WFDC11: variants seen among roughly 807,000 people sequenced by gnomAD.
WFDC11 encodes WAP four-disulfide core domain 11.
WFDC11 carries 9 observed loss-of-function variants against 9.9 expected under a neutral mutation model. That is an observed-to-expected ratio of 0.91 (90% CI 0.55 to 1.58). The LOEUF is 1.58. Among genes scored for constraint, WFDC11 ranks in the 40% most tolerant of loss-of-function variants. WFDC11 has a pLI of 0.00. For synonymous variants in WFDC11, 32 were observed against 33.3 expected, an observed-to-expected ratio of 0.96 and a Z score of 0.13; for missense variants, 106 against 101.7, an observed-to-expected ratio of 1.04 and a Z score of -0.18.
At chr20:45,658,555 A>G (rs1825777) in intron 2 of WFDC11, among the ~76,000 whole-genome samples, 29,632 of 150,404 alleles carry the variant, frequency 0.2, 3,195 homozygotes, top group East Asian at 0.32. Flanking sequence ...AATATCTCCC[A>G]TTTCATTTCT....
intron 1 of WFDC11, among the ~76,000 whole-genome samples, chr20:45,668,316 T>C (rs984122388): frequency 6.6e-6 from 1 of 152,166 alleles, no homozygotes; most frequent in African/African-American, 2.4e-5. Context: ...GTTGTTTGGT[T>C]GGGATGAGAA....
intron 1 of WFDC11, among the ~76,000 whole-genome samples, chr20:45,667,749 G>A (rs927510461): frequency 6.6e-6 from 1 of 152,166 alleles, no homozygotes; most frequent in Non-Finnish European, 1.5e-5. Flanking sequence ...TTTAAAGTGA[G>A]AATAGCAGTA....
chr20:45,665,149 C>T (rs1205304979), intron 2 of WFDC11, among the ~76,000 whole-genome samples: 1 of 152,142 alleles, frequency 6.6e-6, no homozygotes, highest in African/African-American at 2.4e-5. Flanking sequence ...TGTCTTTTCA[C>T]TTTATTTCAT....
At chr20:45,658,531 G>A (rs1982985493) in intron 2 of WFDC11, among the ~76,000 whole-genome samples, 1 of 151,974 alleles carries the variant, frequency 6.6e-6, no homozygotes, top group Non-Finnish European at 1.5e-5. Flanking sequence ...TTGTATATCT[G>A]TGGTGTCAGT....
chr20:45,655,065 C>T (rs1398571930), intron 2 of WFDC11, among the ~76,000 whole-genome samples: 1 of 152,166 alleles, frequency 6.6e-6, no homozygotes, highest in East Asian at 1.9e-4. Context: ...AGAGGGAATC[C>T]TCCCTAACCC....
At chr20:45,666,206 C>T (rs1983183941) in intron 2 of WFDC11, among the ~76,000 whole-genome samples, 1 of 152,340 alleles carries the variant, frequency 6.6e-6, no homozygotes, top group East Asian at 1.9e-4. Flanking sequence ...AGCAAGGCTC[C>T]GTGGGTGTGG....
At chr20:45,651,981 C>T (rs1490967501) in intron 2 of WFDC11, among the ~76,000 whole-genome samples, 3 of 152,236 alleles carry the variant, frequency 2.0e-5, no homozygotes, top group Non-Finnish European at 4.4e-5. Context: ...AAGAGGCCTG[C>T]CTGCCTCTGT....
chr20:45,654,615 A>G (rs1982881769), intron 2 of WFDC11, among the ~76,000 whole-genome samples: 1 of 152,114 alleles, frequency 6.6e-6, no homozygotes, highest in African/African-American at 2.4e-5. Context: ...GACATAAAAA[A>G]CCCTTCAAAA....
chr20:45,661,371 T>C (rs1046191366), intron 2 of WFDC11, among the ~76,000 whole-genome samples: 6 of 151,662 alleles, frequency 4.0e-5, no homozygotes, highest in Admixed American at 1.3e-4. Flanking sequence ...GTAGGTTGCC[T>C]GTTCACTCTG....
intron 2 of WFDC11, among the ~76,000 whole-genome samples, chr20:45,654,458 A>G (rs903548071): frequency 6.6e-6 from 1 of 152,228 alleles, no homozygotes; most frequent in Non-Finnish European, 1.5e-5. Context: ...TTATGACACT[A>G]AATGCCCACA....
At chr20:45,665,803 G>C (rs1238256420) in intron 2 of WFDC11, among the ~76,000 whole-genome samples, 3 of 152,190 alleles carry the variant, frequency 2.0e-5, no homozygotes. Context: ...CTTCGTCCCA[G>C]AGGGGCACTT....
chr20:45,664,779 G>T (rs1983152482), intron 2 of WFDC11, among the ~76,000 whole-genome samples: 1 of 152,170 alleles, frequency 6.6e-6, no homozygotes, highest in South Asian at 2.1e-4. Flanking sequence ...TTTCTGCCTA[G>T]AGATCTGCTG....
intron 1 of WFDC11, among the ~76,000 whole-genome samples, chr20:45,669,966 A>G (rs192690770): frequency 3.9e-4 from 59 of 152,230 alleles, no homozygotes; most frequent in Admixed American, 2.0e-3. Context: ...AACACAATCA[A>G]AAATAACAAA....
At chr20:45,653,757 C>T (rs948689931) in intron 2 of WFDC11, among the ~76,000 whole-genome samples, 6 of 151,736 alleles carry the variant, frequency 4.0e-5, no homozygotes, top group South Asian at 2.1e-4. Context: ...AAATGGAAAA[C>T]AAAAAAAGTC....
chr20:45,660,811 T>C (rs1983043164), intron 2 of WFDC11, among the ~76,000 whole-genome samples: 1 of 152,232 alleles, frequency 6.6e-6, no homozygotes, highest in South Asian at 2.1e-4. Flanking sequence ...TAATCCAGTC[T>C]ATCATTGTTG....
At chr20:45,667,983 A>G (rs947979750) in intron 1 of WFDC11, among the ~76,000 whole-genome samples, 2 of 152,216 alleles carry the variant, frequency 1.3e-5, no homozygotes, top group Non-Finnish European at 2.9e-5. Context: ...GTTTAGTGCT[A>G]AATATTTATA....
Position 45,650,502 on chromosome 20 carries a change from G to C in WFDC11, c.99C>G (p.Asp33Glu), listed in dbSNP as rs757085529. Residue 33 changes from aspartate to glutamate, a missense_variant and splice_region_variant, in exon 3 of 5, where the codon GAC becomes GAG. Physicochemically the swap from Asp to Glu is conservative, Grantham distance 45. Coordinates refer to ENST00000324384, the MANE Select transcript of WFDC11 (RefSeq NM_147197.2). ...VLGEMRKKRY[D>E]RKELLLEECW... ...CCCTAATCCAGCCTCACCACCTACT[G>C]TCATATCTTTTCTTCCTCATTTCTC... The C allele has an allele frequency of 1.2e-6, 2 of 1,613,232 alleles. No individual in the cohort carries two copies. Among genetic ancestry groups the C allele is most frequent in the Admixed American group, 3.3e-5 (2 of 59,956 alleles).
intron 2 of WFDC11, among the ~76,000 whole-genome samples, chr20:45,662,290 G>A (rs1354812284): frequency 6.6e-5 from 10 of 152,184 alleles, no homozygotes; most frequent in Non-Finnish European, 4.4e-5. Context: ...CTTTGCTGAA[G>A]TTGCTTATCA....
At chr20:45,658,463 C>T (rs572009537) in intron 2 of WFDC11, among the ~76,000 whole-genome samples, 1 of 152,224 alleles carries the variant, frequency 6.6e-6, no homozygotes, top group East Asian at 1.9e-4. Context: ...TTATCCATCT[C>T]TTCTAGGTTT....
Sources: gnomAD v4.1 joint callset for allele counts (sites outside exome capture counted in the v4.1 genomes callset) on GRCh38, gnomAD v4.1.1 for gene constraint, MANE v1.5 for transcripts, NCBI Gene and HGNC (gene_info 2026-07-23, HGNC 2026-07-21) for gene names.